PNPLA7: variants seen among roughly 807,000 people sequenced by gnomAD.
PNPLA7 encodes patatin-like phospholipase domain-containing protein 7.
PNPLA7 carries 153 observed loss-of-function variants against 161.7 expected under a neutral mutation model. The observed-to-expected ratio is 0.95, with a 90% confidence interval of 0.83 to 1.08. The LOEUF is 1.08. Ranked by LOEUF, PNPLA7 falls within the 50% of genes least tolerant of loss-of-function variation. The pLI is 0.00. For missense variants in PNPLA7, 1,739 were observed against 1,856.6 expected (o/e 0.94, Z 1.16); for synonymous variants, 809 against 782.1 (o/e 1.03, Z -0.57).
rs1833232189 is a variant in PNPLA7, at chr9:137,499,092, G to A, written c.1758-847C>T. On this transcript the variant is annotated intron_variant, in intron 16 of 34. Transcript: ENST00000406427. This position sits in a 1 kb window ranked among gnomAD's most constrained non-coding sequence, Gnocchi z 5.5. Reference sequence around the variant, plus strand: ...ATGCTGGCTGGGGTGACGGCTGCAAGGCACACCATGCACGGACACACAGGC... The same window carrying A: ...ATGCTGGCTGGGGTGACGGCTGCAAAGCACACCATGCACGGACACACAGGC... Among the ~76,000 whole-genome samples, 1 of 151,912 alleles carries A rather than the reference G, an allele frequency of 6.6e-6. No homozygotes were observed. The highest frequency in any genetic ancestry group is 2.4e-5 in the African/African-American group (1 of 41,352).
chr9:137,508,363 C>T (rs371943308), intron 12 of PNPLA7, among the ~76,000 whole-genome samples: 1,919 of 152,182 alleles, frequency 0.013, 45 homozygotes, highest in African/African-American at 0.043. Flanking sequence ...GTCAGGAGAT[C>T]GAGACCATCC....
rs1831545274 is a variant in PNPLA7, at chr9:137,467,783, AG to A, written c.2883-311del. Among the ~76,000 whole-genome samples, 1 of 152,192 alleles carries A rather than the reference AG, an allele frequency of 6.6e-6. No homozygotes were observed. The highest frequency in any genetic ancestry group is 1.5e-5 in the Non-Finnish European group (1 of 68,026). Reference sequence around the variant, plus strand: ...CGTGGTGGTGCGCGCCTGTAATCCCAGCTACTCGGGAGGCTGAGGCAGGAGA... The same window carrying A: ...CGTGGTGGTGCGCGCCTGTAATCCCACTACTCGGGAGGCTGAGGCAGGAGA... On this transcript the variant is annotated intron_variant, in intron 25 of 34. Coordinates refer to ENST00000406427, the MANE Select transcript of PNPLA7 (RefSeq NM_001098537.3). The surrounding 1 kb of genome is among the most constrained non-coding windows in gnomAD (Gnocchi z 5.1).
intron 14 of PNPLA7, among the ~76,000 whole-genome samples, chr9:137,502,230 C>G (rs950442115): frequency 6.6e-6 from 1 of 152,098 alleles, no homozygotes; most frequent in African/African-American, 2.4e-5. Flanking sequence ...TGGAGAGGCC[C>G]TGGGGCAAAC....
At position 137,523,050 on chromosome 9, in the gene PNPLA7, A is replaced by G. The variant is rs1375793768; in HGVS notation, c.748-193T>C. On this transcript the variant is annotated intron_variant, in intron 8 of 34. Transcript: ENST00000406427. The surrounding 1 kb of genome is among the most constrained non-coding windows in gnomAD (Gnocchi z 4.4). Reference sequence around the variant, plus strand: ...CACACGTTTTTTGACTGTCCAAGACATGTGCGGCGAAGGACTGGCTGACGA... The same window carrying G: ...CACACGTTTTTTGACTGTCCAAGACGTGTGCGGCGAAGGACTGGCTGACGA... Among the ~76,000 whole-genome samples, 2 of 152,092 alleles carry G rather than the reference A, an allele frequency of 1.3e-5. No homozygotes were observed. Among genetic ancestry groups the G allele is most frequent in the African/African-American group, 4.8e-5 (2 of 41,400 alleles).
chr9:137,507,973 G>A (rs565627189), intron 12 of PNPLA7, among the ~76,000 whole-genome samples: 2 of 152,172 alleles, frequency 1.3e-5, no homozygotes, highest in African/African-American at 2.4e-5. Context: ...TGGAGGCAGC[G>A]CTTGAGGCCA....
At chr9:137,502,211 C>T (rs76782024) in intron 14 of PNPLA7, among the ~76,000 whole-genome samples, 135 of 152,184 alleles carry the variant, frequency 8.9e-4, no homozygotes, top group South Asian at 4.1e-3. Context: ...GCAGTGGACC[C>T]GGAGCCTGTG....
Position 137,462,750 on chromosome 9 carries a change from C to G in PNPLA7, c.3427G>C (p.Gly1143Arg), listed in dbSNP as rs766752239. ...AGCCACCACCCAGACAGCGCATCCCCATAGTTGGTGAGGTCCGTCTCATCT... is the reference window on the plus strand; with the variant it reads ...AGCCACCACCCAGACAGCGCATCCCGATAGTTGGTGAGGTCCGTCTCATCT... ...SRDETDLTNY[G>R]DALSGWWLLW... Residue 1143 changes from glycine (G) to arginine (R), a missense_variant, in exon 30 of 35, where the codon GGG (glycine) becomes CGG (arginine). By Grantham distance (125) the Gly-to-Arg change is moderately radical (BLOSUM62 -2). Coordinates refer to ENST00000406427, the MANE Select transcript of PNPLA7 (RefSeq NM_001098537.3). The G allele has an allele frequency of 1.9e-6, 3 of 1,613,894 alleles. No homozygotes were observed. Among genetic ancestry groups the G allele is most frequent in the Non-Finnish European group, 2.5e-6 (3 of 1,180,006 alleles).
chr9:137,474,980 C>G (rs1222910125), intron 25 of PNPLA7, among the ~76,000 whole-genome samples: 1 of 123,702 alleles, frequency 8.1e-6, no homozygotes, highest in Non-Finnish European at 1.6e-5. Context: ...GAGCCGAGAT[C>G]GCTCACTGCG....
At chr9:137,477,828 G>A (rs1238031188) in intron 25 of PNPLA7, among the ~76,000 whole-genome samples, 2 of 152,236 alleles carry the variant, frequency 1.3e-5, no homozygotes, top group Non-Finnish European at 2.9e-5. Flanking sequence ...CACTTTGGGT[G>A]TCAGTGGGCA....
chr9:137,481,754 G>A (rs1472180524), intron 21 of PNPLA7, among the ~76,000 whole-genome samples: 10 of 152,280 alleles, frequency 6.6e-5, no homozygotes, highest in Admixed American at 5.9e-4. Flanking sequence ...CAGGAGATCC[G>A]GTGAAACTCC....
chr9:137,520,189 T>C lies in PNPLA7; in HGVS notation c.958-146A>G, dbSNP rs878935416. ...CTCAAAGGTGTGACAGGTGTGGGAC[T>C]CTCAAAGGTGTGACAGGTGTGGGCC... On this transcript the variant is annotated intron_variant, in intron 10 of 34. Transcript: ENST00000406427. The surrounding 1 kb of genome is among the most constrained non-coding windows in gnomAD (Gnocchi z 5.2). 4 of 1,193,866 alleles carry C rather than the reference T, an allele frequency of 3.4e-6. No homozygotes were observed. The highest frequency in any genetic ancestry group is 3.1e-5 in the African/African-American group (2 of 64,582). The allele number at this position is 1,193,866 out of a possible 1,614,324, so 74.0% of individuals were successfully genotyped here.
chr9:137,517,980 C>T (rs1175178104), intron 11 of PNPLA7, among the ~76,000 whole-genome samples: 3 of 113,204 alleles, frequency 2.7e-5, no homozygotes, highest in Non-Finnish European at 5.5e-5. Context: ...ACTCCATCCC[C>T]CACTCACTCA....
At chr9:137,479,644 T>C in intron 23 of PNPLA7, 1 of 985,302 alleles carries the variant, frequency 1.0e-6, no homozygotes, top group South Asian at 4.7e-5. Flanking sequence ...AGGCTTGTGA[T>C]GAGAACAGAG....
chr9:137,478,232 G>C (rs766064011), intron 24 of PNPLA7, 80 bp from the exon 25 acceptor site: 19 of 1,095,682 alleles, frequency 1.7e-5, no homozygotes, highest in Non-Finnish European at 2.2e-5. Context: ...TGACTGGGGG[G>C]AGTTTCCTCC....
At chr9:137,504,282 G>C (rs1410485165) in intron 14 of PNPLA7, among the ~76,000 whole-genome samples, 2 of 152,152 alleles carry the variant, frequency 1.3e-5, no homozygotes, top group Non-Finnish European at 2.9e-5. Context: ...CGCAATCTTG[G>C]CTCACTGCAA....
chr9:137,536,271 A>G (rs1233649461), intron 8 of PNPLA7, among the ~76,000 whole-genome samples: 1 of 152,180 alleles, frequency 6.6e-6, no homozygotes, highest in African/African-American at 2.4e-5. Flanking sequence ...TGTCTCAGGA[A>G]GTGAATGGAG....
At chr9:137,505,080 T>C (rs897070955) in intron 14 of PNPLA7, among the ~76,000 whole-genome samples, 1 of 146,138 alleles carries the variant, frequency 6.8e-6, no homozygotes, top group African/African-American at 2.6e-5. Flanking sequence ...CCCAGCTACT[T>C]GGGAGGCTGA....
At chr9:137,462,411 C>G (rs1166756637) in intron 30 of PNPLA7, 80 bp from the exon 31 acceptor site, 3 of 1,517,936 alleles carry the variant, frequency 2.0e-6, no homozygotes, top group African/African-American at 2.8e-5. Context: ...AGGACAGGTT[C>G]TGGGGACCCA....
chr9:137,540,772 CG>C lies in PNPLA7; in HGVS notation c.667-51del. 1 of 1,529,048 alleles carries C rather than the reference CG, an allele frequency of 6.5e-7. No homozygotes were observed. The allele number at this position is 1,529,048 out of a possible 1,614,324, so 94.7% of individuals were successfully genotyped here. ...GCCGTCAGGTCTGGGGCTGCGACCG[CG>C]GGGCCTGGCGGAGGCTCAGCCCAGC... On this transcript the variant is annotated intron_variant, in intron 7 of 34. Transcript: ENST00000406427. This position sits in a 1 kb window ranked among gnomAD's most constrained non-coding sequence, Gnocchi z 5.1.
Sources: gnomAD v4.1 joint callset for allele counts (sites outside exome capture counted in the v4.1 genomes callset) on GRCh38, gnomAD v4.1.1 for gene constraint, Gnocchi (gnomAD v3.1) non-coding constraint, MANE v1.5 for transcripts, NCBI Gene and HGNC (gene_info 2026-07-23, HGNC 2026-07-21) for gene names.